Variants in NCKAP5 observed in about 807,000 individuals in gnomAD.
NCKAP5 encodes NCK associated protein 5, also known as nck-associated protein 5.
Under a neutral mutation model 167.0 loss-of-function variants are expected in NCKAP5, and 92 were observed. That is an observed-to-expected ratio of 0.55 (90% confidence interval 0.47 to 0.66). NCKAP5 has a LOEUF of 0.66. Ranked by LOEUF, NCKAP5 falls within the 30% of genes least tolerant of loss-of-function variation. The pLI is 0.00. For missense variants in NCKAP5, 2,378 were observed against 2,315.0 expected (o/e 1.03, Z -0.56); for synonymous variants, 891 against 877.4 (o/e 1.02, Z -0.27).
rs1682847971 is a variant in NCKAP5 at position 133,331,424 on chromosome 2, T to TAATG, written c.70-28318_70-28315dup. The stretch of plus-strand genomic sequence containing the variant: ...TTTCATCTTCTCTCCCAACAGAGCT[T>TAATG]AATGGCACCTGCAAAATGCAATTTT... On this transcript the variant is annotated intron_variant, in intron 3 of 19. Coordinates refer to ENST00000409261, the MANE Select transcript of NCKAP5 (RefSeq NM_207363.3). 3.9e-5 allele frequency among the ~76,000 whole-genome samples: 6 copies of TAATG among 152,202 alleles called. No homozygotes were observed. In the South Asian group the frequency reaches 1.0e-3, roughly 26 times the overall value.
chr2:133,318,209 T>C (rs1681751918), intron 3 of NCKAP5, among the ~76,000 whole-genome samples: 1 of 152,170 alleles, frequency 6.6e-6, no homozygotes, highest in African/African-American at 2.4e-5. Context: ...TTAGGATGGT[T>C]TAAGAAGATG....
chr2:132,758,502 C>A (rs1680739433), intron 16 of NCKAP5, among the ~76,000 whole-genome samples: 1 of 152,160 alleles, frequency 6.6e-6, no homozygotes, highest in African/African-American at 2.4e-5. Flanking sequence ...TCTATAATGT[C>A]TAGTAAACTC....
At chr2:133,637,982 C>T in the NCKAP5 span, among the ~76,000 whole-genome samples, 1 of 152,036 alleles carries the variant, frequency 6.6e-6, no homozygotes, top group Admixed American at 6.6e-5. Context: ...AAGGAAAGCA[C>T]CTTCAAAAAT....
intron 16 of NCKAP5, among the ~76,000 whole-genome samples, chr2:132,756,590 G>GA (rs1169677053): frequency 6.6e-6 from 1 of 151,976 alleles, no homozygotes; most frequent in Non-Finnish European, 1.5e-5. Flanking sequence ...TTAAAACCCA[G>GA]AAAATAAGTT....
At chr2:133,529,150 T>TA (rs1685155690) in intron 2 of NCKAP5, among the ~76,000 whole-genome samples, 1 of 152,124 alleles carries the variant, frequency 6.6e-6, no homozygotes, top group Admixed American at 6.5e-5. Flanking sequence ...TTTTATTTTG[T>TA]AAAAAACATA....
chr2:133,026,739 T>A (rs1011367586), intron 6 of NCKAP5, among the ~76,000 whole-genome samples: 1 of 152,180 alleles, frequency 6.6e-6, no homozygotes. Flanking sequence ...GGCCTCGAAT[T>A]CCTTCTGCCA....
chr2:132,723,231 C>T (rs1004517144), intron 19 of NCKAP5, among the ~76,000 whole-genome samples: 2 of 150,646 alleles, frequency 1.3e-5, no homozygotes, highest in African/African-American at 4.9e-5. Context: ...CTGCAACCTC[C>T]ACCTCCCAGG....
At chr2:133,624,263 T>A in the NCKAP5 span, among the ~76,000 whole-genome samples, 1 of 152,096 alleles carries the variant, frequency 6.6e-6, no homozygotes, top group East Asian at 1.9e-4. Context: ...CCCCAAAACC[T>A]ATTGAAAACA....
chr2:132,781,873 C>T (rs1683061265), intron 14 of NCKAP5, 67 bp downstream of exon 14: 1 of 1,470,874 alleles, frequency 6.8e-7, no homozygotes, highest in Middle Eastern at 1.9e-4. Context: ...GCACAGGAAG[C>T]AAACAACTCT....
chr2:133,171,825 C>A (rs528779523), intron 5 of NCKAP5, among the ~76,000 whole-genome samples: 54 of 152,290 alleles, frequency 3.5e-4, no homozygotes, highest in African/African-American at 1.2e-3. Flanking sequence ...AAGAAATGGA[C>A]TTTAGAGGGC....
At chr2:132,675,520 G>A (rs1378911063) in intron 19 of NCKAP5, among the ~76,000 whole-genome samples, 2 of 152,018 alleles carry the variant, frequency 1.3e-5, no homozygotes, top group African/African-American at 2.4e-5. Context: ...CAAGTTCTTG[G>A]ATCCCACCTA....
chr2:133,138,183 G>A (rs1217811470), intron 5 of NCKAP5, among the ~76,000 whole-genome samples: 2 of 151,676 alleles, frequency 1.3e-5, no homozygotes, highest in Non-Finnish European at 2.9e-5. Flanking sequence ...AGAAGGGGGG[G>A]TACTATGAAT....
intron 6 of NCKAP5, among the ~76,000 whole-genome samples, chr2:133,079,904 C>G (rs1237480930): frequency 6.6e-6 from 1 of 152,040 alleles, no homozygotes; most frequent in Non-Finnish European, 1.5e-5. Flanking sequence ...TAGCTGTTCC[C>G]CATTGTTGAA....
At chr2:133,032,396 A>C (rs1431812352) in intron 6 of NCKAP5, among the ~76,000 whole-genome samples, 1 of 152,074 alleles carries the variant, frequency 6.6e-6, no homozygotes, top group Non-Finnish European at 1.5e-5. Flanking sequence ...AAGAGGGAGG[A>C]ATGAGAAGGA....
intron 3 of NCKAP5, among the ~76,000 whole-genome samples, chr2:133,511,207 C>T (rs560443062): frequency 2.6e-5 from 4 of 152,326 alleles, no homozygotes; most frequent in South Asian, 2.1e-4. Context: ...TGCTGCAGAT[C>T]TCCAATGGCC....
At chr2:133,054,366 C>G (rs935662676) in intron 6 of NCKAP5, among the ~76,000 whole-genome samples, 1 of 152,150 alleles carries the variant, frequency 6.6e-6, no homozygotes, top group Non-Finnish European at 1.5e-5. Context: ...GCACAACGTT[C>G]TATGAGAGAT....
chr2:133,633,702 T>A, the NCKAP5 span, among the ~76,000 whole-genome samples: 4 of 152,200 alleles, frequency 2.6e-5, no homozygotes, highest in African/African-American at 9.7e-5. Context: ...ATGAATGAAC[T>A]GAAGCTCAGA....
intron 2 of NCKAP5, among the ~76,000 whole-genome samples, chr2:133,532,004 G>A (rs543921370): frequency 6.6e-6 from 1 of 152,266 alleles, no homozygotes; most frequent in African/African-American, 2.4e-5. Context: ...TTCTTGCTGT[G>A]CATAAATTAT....
At chr2:133,330,903 A>C (rs909747919) in intron 3 of NCKAP5, among the ~76,000 whole-genome samples, 2 of 152,150 alleles carry the variant, frequency 1.3e-5, no homozygotes, top group Non-Finnish European at 2.9e-5. Context: ...TATTAAAAAA[A>C]AGAAGAAAGT....
Sources: allele counts gnomAD v4.1 joint callset (sites outside exome capture counted in the v4.1 genomes callset), GRCh38; gene constraint gnomAD v4.1.1; transcripts MANE v1.5; gene names NCBI Gene and HGNC (gene_info 2026-07-23, HGNC 2026-07-21).